The following UBE2K variants were observed in gnomAD, a reference collection of about 807,000 sequenced individuals.
The protein encoded by UBE2K is ubiquitin-conjugating enzyme E2 K.
In UBE2K, 6 loss-of-function variants were observed where a neutral mutation model predicts 30.0. The observed-to-expected ratio is 0.20, with a 90% CI of 0.11 to 0.39. The LOEUF is 0.39. Ranked by LOEUF, UBE2K falls within the 10% of genes least tolerant of loss-of-function variation. The pLI is 1.00. For synonymous variants in UBE2K, 86 were observed against 83.7 expected (o/e 1.03, Z -0.15); for missense variants, 61 against 241.6 (o/e 0.25, Z 4.96).
rs1009888169 is a variant in UBE2K, at chr4:39,769,892, ACT to A, written c.300-4938_300-4937del. Among the ~76,000 whole-genome samples, 6 of 151,876 alleles carry A rather than the reference ACT, an allele frequency of 4.0e-5. No homozygotes were observed. The South Asian group carries it at 8.3e-4, about 21-fold the overall frequency. Reference sequence around the variant, plus strand: ...CCTGTCCCCCGCTCCAGCTTCTTGCACTCTCAAGAGCAACAACAGTCTTCTCT... The same window carrying A: ...CCTGTCCCCCGCTCCAGCTTCTTGCACTCAAGAGCAACAACAGTCTTCTCT... On this transcript the variant is annotated intron_variant, in intron 4 of 6. Transcript: ENST00000261427.
intron 1 of UBE2K, among the ~76,000 whole-genome samples, chr4:39,735,773 T>A (rs779369635): frequency 4.6e-5 from 7 of 152,174 alleles, no homozygotes; most frequent in Non-Finnish European, 8.8e-5. Flanking sequence ...TAAGAAGTAG[T>A]TTCTTATTGT....
intron 4 of UBE2K, among the ~76,000 whole-genome samples, chr4:39,758,679 A>G (rs2109381308): frequency 6.6e-6 from 1 of 151,978 alleles, no homozygotes; most frequent in South Asian, 2.1e-4. Context: ...CCCCATCTCA[A>G]AAATAAAAAA....
chr4:39,755,439 G>A (rs559051712), intron 3 of UBE2K, among the ~76,000 whole-genome samples: 1 of 152,170 alleles, frequency 6.6e-6, no homozygotes, highest in African/African-American at 2.4e-5. Context: ...GTTTAAAGGC[G>A]GAACATTTAT....
At chr4:39,732,525 T>C (rs1403786372) in intron 1 of UBE2K, among the ~76,000 whole-genome samples, 4 of 151,942 alleles carry the variant, frequency 2.6e-5, no homozygotes, top group Non-Finnish European at 5.9e-5. Context: ...AGAACCGCTT[T>C]GAGTTCTTCA....
At chr4:39,766,419 T>A (rs1712342577) in intron 4 of UBE2K, among the ~76,000 whole-genome samples, 1 of 152,134 alleles carries the variant, frequency 6.6e-6, no homozygotes, top group Non-Finnish European at 1.5e-5. Context: ...TATTGACACT[T>A]TATATATCTT....
chr4:39,719,525 T>C (rs957358770), intron 1 of UBE2K, among the ~76,000 whole-genome samples: 3 of 152,224 alleles, frequency 2.0e-5, no homozygotes, highest in Admixed American at 2.0e-4. Context: ...AAAAGTGCTC[T>C]TAGGACATAG....
chr4:39,707,215 T>C (rs1283223378), intron 1 of UBE2K, among the ~76,000 whole-genome samples: 3 of 151,010 alleles, frequency 2.0e-5, no homozygotes, highest in South Asian at 4.2e-4. Flanking sequence ...TGGAGTTTTT[T>C]TGTTTTGTTT....
chr4:39,741,438 G>A (rs189412406), intron 2 of UBE2K, among the ~76,000 whole-genome samples: 1 of 152,152 alleles, frequency 6.6e-6, no homozygotes, highest in Non-Finnish European at 1.5e-5. Flanking sequence ...ACCATTCAAG[G>A]ACATAAACTT....
rs35596173 is a variant in UBE2K, at chr4:39,768,276, C to CAAAA, written c.300-6542_300-6539dup. 1.1e-3 allele frequency among the ~76,000 whole-genome samples: 128 copies of CAAAA among 113,538 alleles called. 2 individuals carry two copies. The highest frequency in any genetic ancestry group is 5.1e-3 in the South Asian group (16 of 3,146). The allele number at this position is 113,538 out of a possible 152,430, so 74.5% of individuals were successfully genotyped here. A position where few individuals can be genotyped will look rare whatever the true frequency, so the allele number is the denominator to read the frequency against. On this transcript the variant is annotated intron_variant, in intron 4 of 6. Transcript: ENST00000261427. ...CAACACGGTAAAACCCCGTCTCTAC[C>CAAAA]AAAAAAAAAAAAAAAAAAATCAGCC...
At chr4:39,730,492 C>T (rs1189490591) in intron 1 of UBE2K, among the ~76,000 whole-genome samples, 1 of 151,998 alleles carries the variant, frequency 6.6e-6, no homozygotes, top group Non-Finnish European at 1.5e-5. Context: ...TAGCTGCAGC[C>T]TGGTGTGGTG....
chr4:39,740,475 G>A (rs1166665565), intron 2 of UBE2K, among the ~76,000 whole-genome samples: 5 of 151,120 alleles, frequency 3.3e-5, no homozygotes, highest in African/African-American at 4.9e-5. Context: ...CCCGGGAGGC[G>A]GAGCCTTCAG....
chr4:39,771,394 T>G (rs1712822203), intron 4 of UBE2K: 1 of 1,611,652 alleles, frequency 6.2e-7, no homozygotes, highest in Middle Eastern at 1.7e-4. Flanking sequence ...AGCGGCCTAG[T>G]GGCCGGGCAG....
intron 1 of UBE2K, among the ~76,000 whole-genome samples, chr4:39,700,097 T>C (rs951844229): frequency 6.6e-6 from 1 of 152,192 alleles, no homozygotes; most frequent in Non-Finnish European, 1.5e-5. Context: ...AGACTTTTAA[T>C]GCTTTATTTT....
intron 3 of UBE2K, among the ~76,000 whole-genome samples, chr4:39,752,989 C>T (rs187142023): frequency 7.0e-4 from 106 of 152,248 alleles, no homozygotes; most frequent in African/African-American, 2.2e-3. Context: ...CACTCCACTC[C>T]AGCCTGGGCA....
At chr4:39,770,139 G>A (rs1259554366) in intron 4 of UBE2K, 3 of 1,599,754 alleles carry the variant, frequency 1.9e-6, no homozygotes, top group Non-Finnish European at 8.5e-7. Flanking sequence ...CTCGGCGGTG[G>A]TCTTGCCGTG....
At chr4:39,711,253 C>T (rs1220735008) in intron 1 of UBE2K, among the ~76,000 whole-genome samples, 2 of 146,424 alleles carry the variant, frequency 1.4e-5, no homozygotes, top group African/African-American at 5.1e-5. Context: ...AGCTCTGCCT[C>T]CCGGGGTCAT....
chr4:39,717,397 A>AT (rs1719141696), intron 1 of UBE2K, among the ~76,000 whole-genome samples: 1 of 151,982 alleles, frequency 6.6e-6, no homozygotes, highest in Non-Finnish European at 1.5e-5. Flanking sequence ...CACCCGGCTA[A>AT]TTTTTGTGTT....
At chr4:39,738,048 A>G (rs1354115790) in intron 2 of UBE2K, among the ~76,000 whole-genome samples, 1 of 152,196 alleles carries the variant, frequency 6.6e-6, no homozygotes, top group Admixed American at 6.5e-5. Context: ...GGTGTTCACA[A>G]ATTAAGTCTG....
chr4:39,712,189 G>A (rs972531996), intron 1 of UBE2K, among the ~76,000 whole-genome samples: 1 of 134,758 alleles, frequency 7.4e-6, no homozygotes, highest in South Asian at 2.4e-4. Context: ...CAATAGCACC[G>A]ACAACCTTTT....
Sources: gnomAD v4.1 joint callset for allele counts (sites outside exome capture counted in the v4.1 genomes callset) on GRCh38, gnomAD v4.1.1 for gene constraint, MANE v1.5 for transcripts, NCBI Gene and HGNC (gene_info 2026-07-23, HGNC 2026-07-21) for gene names.